Variants in MAGI2 observed in about 807,000 individuals in gnomAD.
MAGI2 encodes the protein membrane associated guanylate kinase, WW and PDZ domain containing 2.
A neutral mutation model predicts 133.3 loss-of-function variants in MAGI2; 35 were observed. That is an observed-to-expected ratio of 0.26 (90% CI 0.20 to 0.35). MAGI2 has a LOEUF of 0.35. Among genes scored for constraint, MAGI2 ranks in the 10% least tolerant of loss-of-function variants. MAGI2 has a pLI of 1.00. For synonymous variants in MAGI2, 729 were observed against 710.6 expected (o/e 1.03, Z -0.41); for missense variants, 1,636 against 1,863.4 (o/e 0.88, Z 2.25).
chr7:79,342,326 C>T (rs1210729580), intron 1 of MAGI2, among the ~76,000 whole-genome samples: 1 of 152,178 alleles, frequency 6.6e-6, no homozygotes, highest in East Asian at 1.9e-4. Context: ...GAGTATTATG[C>T]TCTCAGTACT....
At chr7:79,239,631 G>A (rs1832226915) in intron 1 of MAGI2, among the ~76,000 whole-genome samples, 1 of 151,960 alleles carries the variant, frequency 6.6e-6, no homozygotes, top group Non-Finnish European at 1.5e-5. Flanking sequence ...AATGGACTTG[G>A]CACTCAGAGG....
At chr7:78,607,498 TA>T (rs11318579) in intron 3 of MAGI2, among the ~76,000 whole-genome samples, 92,809 of 139,510 alleles carry the variant, frequency 0.67, 30,544 homozygotes, top group Middle Eastern at 0.76. Flanking sequence ...AAGTCAAACT[TA>T]AAAAAAAAAA....
chr7:79,141,190 T>G (rs1199676054), intron 1 of MAGI2, among the ~76,000 whole-genome samples: 1 of 152,208 alleles, frequency 6.6e-6, no homozygotes, highest in Non-Finnish European at 1.5e-5. Context: ...ACCTGGATTG[T>G]TTTCTCAACT....
At chr7:78,353,961 T>C (rs1365433303) in intron 7 of MAGI2, among the ~76,000 whole-genome samples, 1 of 152,216 alleles carries the variant, frequency 6.6e-6, no homozygotes, top group African/African-American at 2.4e-5. Flanking sequence ...CTGCAGCTTT[T>C]AAGGTCTCCA....
At chr7:78,309,933 T>C (rs1798559614) in intron 9 of MAGI2, among the ~76,000 whole-genome samples, 1 of 152,118 alleles carries the variant, frequency 6.6e-6, no homozygotes, top group Non-Finnish European at 1.5e-5. Context: ...AAGCTTAATG[T>C]AGAGAACAAA....
intron 1 of MAGI2, among the ~76,000 whole-genome samples, chr7:79,189,449 C>T (rs1472818322): frequency 2.6e-5 from 4 of 151,288 alleles, no homozygotes; most frequent in African/African-American, 2.4e-5. Context: ...GATGTGATAC[C>T]CTATTTTTAA....
At chr7:78,076,440 C>T (rs1192013621) in intron 21 of MAGI2, among the ~76,000 whole-genome samples, 1 of 118,426 alleles carries the variant, frequency 8.4e-6, no homozygotes, top group Admixed American at 1.0e-4. Context: ...GTCTGGGCGA[C>T]AGAGACCTTG....
intron 2 of MAGI2, among the ~76,000 whole-genome samples, chr7:78,783,016 T>C (rs1263563353): frequency 6.8e-6 from 1 of 148,138 alleles, no homozygotes; most frequent in African/African-American, 2.5e-5. Context: ...TCTTACCTTT[T>C]TTTTTTTTTT....
chr7:78,772,378 T>C (rs769255754), intron 2 of MAGI2, among the ~76,000 whole-genome samples: 1 of 152,224 alleles, frequency 6.6e-6, no homozygotes, highest in Non-Finnish European at 1.5e-5. Context: ...AAGAAAACTC[T>C]TATTTGGCAT....
At chr7:78,131,820 A>G (rs1041365179) in intron 18 of MAGI2, among the ~76,000 whole-genome samples, 1 of 152,172 alleles carries the variant, frequency 6.6e-6, no homozygotes, top group Non-Finnish European at 1.5e-5. Flanking sequence ...GAATAGAAGA[A>G]CCTCATTAGA....
intron 2 of MAGI2, among the ~76,000 whole-genome samples, chr7:78,651,322 G>T (rs1036422014): frequency 6.7e-6 from 1 of 149,726 alleles, no homozygotes; most frequent in Non-Finnish European, 1.5e-5. Context: ...CTTTGTGCTT[G>T]TCTTACTTGG....
chr7:78,756,863 C>A (rs551682428), intron 2 of MAGI2, among the ~76,000 whole-genome samples: 2 of 152,278 alleles, frequency 1.3e-5, no homozygotes, highest in South Asian at 4.1e-4. Flanking sequence ...ATTCACACAA[C>A]CTTGATTAAA....
At chr7:79,451,230 C>A (rs1849220764) in intron 1 of MAGI2, among the ~76,000 whole-genome samples, 1 of 152,160 alleles carries the variant, frequency 6.6e-6, no homozygotes, top group Non-Finnish European at 1.5e-5. Flanking sequence ...GTTTGTGGGA[C>A]TCTATTAAGT....
chr7:78,857,028 T>G (rs1350588095), intron 2 of MAGI2, among the ~76,000 whole-genome samples: 2 of 152,118 alleles, frequency 1.3e-5, no homozygotes, highest in African/African-American at 4.8e-5. Flanking sequence ...TGAATGGGAG[T>G]TCACTCATGA....
chr7:78,402,337 TGTGTGTGTCCACCTGGGGC>T (rs1796959580), intron 6 of MAGI2, among the ~76,000 whole-genome samples: 4 of 40,576 alleles, frequency 9.9e-5, no homozygotes, highest in African/African-American at 4.5e-4. Flanking sequence ...GGTGTGTATG[TGTGTGTGTCCACCTGGGGC>T]GTATGTGTGT....
chr7:78,450,049 T>C (rs1406142578), intron 6 of MAGI2, among the ~76,000 whole-genome samples: 1 of 152,108 alleles, frequency 6.6e-6, no homozygotes, highest in Admixed American at 6.6e-5. Flanking sequence ...CAATATCCTT[T>C]GTAGAAGTCA....
Position 79,007,070 on chromosome 7 carries a change from A to G in MAGI2, c.418+20T>C. On this transcript the variant is annotated intron_variant, in intron 2 of 21. Transcript: ENST00000354212. The stretch of plus-strand genomic sequence containing the variant: ...TTTATCTCTCAACATAAAAATATTA[A>G]TACTGCCCATTGTACTCACATGGCA... 6.8e-7 allele frequency: 1 copy of G among 1,476,304 alleles called. No homozygotes were observed. The highest frequency in any genetic ancestry group is 9.3e-7 in the Non-Finnish European group (1 of 1,078,046). The allele number at this position is 1,476,304 out of a possible 1,614,324, so 91.5% of individuals were successfully genotyped here. A position where few individuals can be genotyped will look rare whatever the true frequency, so the allele number is the denominator to read the frequency against.
chr7:78,655,236 C>T lies in MAGI2; in HGVS notation c.419-27997G>A, dbSNP rs563338660. On this transcript the variant is annotated intron_variant, in intron 2 of 21. Transcript: ENST00000354212. ...GACAACGGAAAACCTATTGTCAAAA[C>T]CTGGAAAATTCTCCTTTCAGTTATC... is the stretch of plus-strand genomic sequence containing the variant. Among the ~76,000 whole-genome samples, 29 of 151,764 alleles carry T rather than the reference C, an allele frequency of 1.9e-4. 1 individual carries two copies. In the South Asian group the frequency reaches 3.1e-3, roughly 16 times the overall value.
At chr7:79,261,152 A>G (rs951984975) in intron 1 of MAGI2, among the ~76,000 whole-genome samples, 1 of 152,254 alleles carries the variant, frequency 6.6e-6, no homozygotes, top group Non-Finnish European at 1.5e-5. Flanking sequence ...CATAGAGGTT[A>G]ATCAACAACC....
Sources: allele counts gnomAD v4.1 joint callset (sites outside exome capture counted in the v4.1 genomes callset), GRCh38; gene constraint gnomAD v4.1.1; transcripts MANE v1.5; gene names NCBI Gene and HGNC (gene_info 2026-07-23, HGNC 2026-07-21).